Variants in HEXA observed in about 807,000 individuals in gnomAD.
HEXA encodes the protein beta-hexosaminidase subunit alpha.
In HEXA, 54 loss-of-function variants were observed where a neutral mutation model predicts 73.3. The ratio of observed to expected loss-of-function variants is 0.74; its 90% confidence interval spans 0.59 to 0.92. The LOEUF is 0.92. Ranked by LOEUF, HEXA falls within the 40% of genes least tolerant of loss-of-function variation. The pLI is 0.00. For missense variants in HEXA, 649 were observed against 653.0 expected, an observed-to-expected ratio of 0.99 and a Z score of 0.07; for synonymous variants, 230 against 246.9, an observed-to-expected ratio of 0.93 and a Z score of 0.64.
intron 9 of HEXA, 81 bp downstream of exon 9, chr15:72,347,967 C>T (rs772302535): frequency 9.3e-7 from 1 of 1,075,086 alleles, no homozygotes; most frequent in Non-Finnish European, 1.4e-6. Flanking sequence ...AGTGGCCAAG[C>T]AGGGCCTGAC....
chr15:72,361,899 T>A (rs925883234), intron 1 of HEXA, among the ~76,000 whole-genome samples: 2 of 152,184 alleles, frequency 1.3e-5, no homozygotes, highest in Non-Finnish European at 2.9e-5. Flanking sequence ...ATAAAAAATC[T>A]CCCAGGCAGT....
In HEXA at chr15:72,353,024, CCCTAGAACTCTTAAGTGTGAAGAAGG is replaced by C. The variant is rs2088721056; in HGVS notation, c.570+18_570+43del. ...ACTTGGTCTGTCCGTTGCTCCATCA[CCCTAGAACTCTTAAGTGTGAAGAAGG>C]CCTTAAGGCCTGGTTACCAGAGTGT... On this transcript the variant is annotated intron_variant, in intron 5 of 13. Coordinates refer to ENST00000268097, the MANE Select transcript of HEXA (RefSeq NM_000520.6). The C allele has an allele frequency of 1.7e-6, 2 of 1,177,822 alleles. No homozygotes were observed. The highest frequency in any genetic ancestry group is 2.6e-6 in the Non-Finnish European group (2 of 782,200). 73.0% of individuals were successfully genotyped at this position (1,177,822 alleles called of 1,614,324 possible). A position where few individuals can be genotyped will look rare whatever the true frequency, so the allele number is the denominator to read the frequency against.
At chr15:72,368,948 G>A (rs1451582277) in intron 1 of HEXA, among the ~76,000 whole-genome samples, 1 of 152,140 alleles carries the variant, frequency 6.6e-6, no homozygotes, top group Non-Finnish European at 1.5e-5. Context: ...TCAATCCCAA[G>A]AGCTTTACAA....
At chr15:72,353,226 A>G (rs372532840) in intron 4 of HEXA, 48 bp from the exon 5 acceptor site, 15 of 1,094,992 alleles carry the variant, frequency 1.4e-5, no homozygotes, top group Non-Finnish European at 2.1e-5. Context: ...GAAGCTTACT[A>G]TGGGGGCACA....
At position 72,343,667 on chromosome 15, in the gene HEXA, A is replaced by G. The variant is rs2088574877; in HGVS notation, c.*410T>C. The stretch of plus-strand genomic sequence containing the variant: ...CCTTGGAGATATAATGCAGAAGTGA[A>G]GTGAGCAGGCTGAGGATTAGGGCAG... On this transcript the variant is annotated 3_prime_UTR_variant, in exon 14 of 14. Coordinates refer to ENST00000268097, the MANE Select transcript of HEXA (RefSeq NM_000520.6). The G allele has an allele frequency of 3.7e-6, 1 of 268,914 alleles. No homozygotes were observed. The highest frequency in any genetic ancestry group is 4.3e-5 in the South Asian group (1 of 23,270). The allele number at this position is 268,914 out of a possible 1,614,324, so 16.7% of individuals were successfully genotyped here.
At chr15:72,365,337 G>A (rs1210826352) in intron 1 of HEXA, among the ~76,000 whole-genome samples, 1 of 152,174 alleles carries the variant, frequency 6.6e-6, no homozygotes, top group Non-Finnish European at 1.5e-5. Flanking sequence ...CTGACCTCAT[G>A]ATCCACCCGC....
rs546229997 is a variant in HEXA, at chr15:72,364,078, C to T, written c.254-7461G>A. ...CCCAGCGAACGACTTCAAGGTTCGC[C>T]AGTCAACATGGCGAAACCTTGTCTC... On this transcript the variant is annotated intron_variant, in intron 1 of 13. Transcript: ENST00000268097. Among the ~76,000 whole-genome samples the T allele has an allele frequency of 1.1e-4, 17 of 152,128 alleles. No individual in the cohort carries two copies. The South Asian group carries it at 3.5e-3, about 32-fold the overall frequency.
Position 72,346,548 on chromosome 15 carries a change from C to A in HEXA, c.1309G>T (p.Val437Leu). ...TCACCTTCAAATGCCAGGGGTTCCA[C>A]TATGTAGAAATCCTTCCAGTCAGGG... ...YGPDWKDFYI[V>L]EPLAFEGTPE... The change falls in exon 11 of 14, where the codon GTG becomes TTG. Residue 437 changes from valine to leucine, a missense_variant. Coordinates refer to ENST00000268097, the MANE Select transcript of HEXA (RefSeq NM_000520.6). 6.2e-7 allele frequency: 1 copy of A among 1,614,026 alleles called. No homozygotes were observed. Among genetic ancestry groups the A allele is most frequent in the South Asian group, 1.1e-5 (1 of 91,080 alleles).
intron 1 of HEXA, among the ~76,000 whole-genome samples, chr15:72,367,947 C>T (rs2088939195): frequency 6.6e-6 from 1 of 151,586 alleles, no homozygotes; most frequent in Non-Finnish European, 1.5e-5. Flanking sequence ...TCTGCACTCC[C>T]AAAGTACCTT....
At chr15:72,356,484 A>T (rs1474457607) in intron 2 of HEXA, 41 bp downstream of exon 2, 1 of 1,610,086 alleles carries the variant, frequency 6.2e-7, no homozygotes, top group South Asian at 1.1e-5. Flanking sequence ...GCTTCAGACA[A>T]GTGTTTGCTC....
Position 72,348,036 on chromosome 15 carries a change from T to C in HEXA, c.1073+12A>G. 6.8e-7 allele frequency: 1 copy of C among 1,466,552 alleles called. No homozygotes were observed. Among genetic ancestry groups the C allele is most frequent in the Non-Finnish European group, 9.5e-7 (1 of 1,050,882 alleles). The allele number at this position is 1,466,552 out of a possible 1,614,324, so 90.8% of individuals were successfully genotyped here. On this transcript the variant is annotated intron_variant, in intron 9 of 13. Transcript: ENST00000268097. ...CCCCAAGGGACCCCACCCACCCTCC[T>C]TCCTTCCTCACGTCTGGATGTAGAA... is the stretch of plus-strand genomic sequence containing the variant.
At chr15:72,364,671 C>T (rs2088893210) in intron 1 of HEXA, among the ~76,000 whole-genome samples, 2 of 152,112 alleles carry the variant, frequency 1.3e-5, no homozygotes, top group South Asian at 2.1e-4. Flanking sequence ...TACTGACTTA[C>T]ACCCAAATCC....
chr15:72,345,359 G>A, intron 13 of HEXA, 87 bp downstream of exon 13: 1 of 1,580,594 alleles, frequency 6.3e-7, no homozygotes, highest in African/African-American at 1.3e-5. Context: ...GTTAGCTATT[G>A]TTAATTATTG....
In HEXA at chr15:72,376,006, C is replaced by T. The variant is rs2089064018; in HGVS notation, c.-34G>A. The T allele has an allele frequency of 6.2e-7, 1 of 1,607,996 alleles. No individual in the cohort carries two copies. Among genetic ancestry groups the T allele is most frequent in the Admixed American group, 1.7e-5 (1 of 60,018 alleles). ...GGTCTCCCCTCTCGGAGGGGGCTGG[C>T]CACGTGAGACCCTGGTCAGGTGAGC... On this transcript the variant is annotated 5_prime_UTR_variant, in exon 1 of 14. Transcript: ENST00000268097.
chr15:72,375,859 G>A lies in HEXA; in HGVS notation c.114C>T (p.Val38=). ...GGAATTGAAAGTTGTTCGGGTAAAGGACGTAGCGCTGGTCGGAGGTTTGGA... is the reference window on the plus strand; with the variant it reads ...GGAATTGAAAGTTGTTCGGGTAAAGAACGTAGCGCTGGTCGGAGGTTTGGA... ...QNFQTSDQRY[V]LYPNNFQFQY... Residue 38 remains valine (V), a synonymous_variant, in exon 1 of 14, where the codon GTC becomes GTT. Coordinates refer to ENST00000268097, the MANE Select transcript of HEXA (RefSeq NM_000520.6). 6.2e-7 allele frequency: 1 copy of A among 1,614,264 alleles called. No homozygotes were observed. The highest frequency in any genetic ancestry group is 8.5e-7 in the Non-Finnish European group (1 of 1,180,054).
intron 1 of HEXA, among the ~76,000 whole-genome samples, chr15:72,362,907 T>G (rs552771927): frequency 6.6e-6 from 1 of 152,160 alleles, no homozygotes; most frequent in Admixed American, 6.5e-5. Context: ...AAAAACACAT[T>G]GGTTTCGGTT....
chr15:72,373,040 A>G (rs578107102), intron 1 of HEXA, among the ~76,000 whole-genome samples: 1 of 152,338 alleles, frequency 6.6e-6, no homozygotes, highest in African/African-American at 2.4e-5. Flanking sequence ...CTGAGGTGGG[A>G]GAATTGCTTG....
intron 4 of HEXA, among the ~76,000 whole-genome samples, chr15:72,353,464 C>T (rs1169665158): frequency 6.6e-6 from 1 of 152,166 alleles, no homozygotes; most frequent in Non-Finnish European, 1.5e-5. Flanking sequence ...AGCAGTGTGG[C>T]CTCAAGGTCA....
chr15:72,364,049 C>A (rs893539877), intron 1 of HEXA, among the ~76,000 whole-genome samples: 1 of 152,042 alleles, frequency 6.6e-6, no homozygotes, highest in Non-Finnish European at 1.5e-5. Flanking sequence ...TTCAAGAGTT[C>A]GAGCCCAGCG....
Sources: allele counts gnomAD v4.1 joint callset (sites outside exome capture counted in the v4.1 genomes callset), GRCh38; gene constraint gnomAD v4.1.1; transcripts MANE v1.5; gene names NCBI Gene and HGNC (gene_info 2026-07-23, HGNC 2026-07-21).